Variants in RTCA observed in about 807,000 individuals in gnomAD.
The protein encoded by RTCA is RNA terminal phosphate cyclase domain 1.
Under a neutral mutation model 46.1 loss-of-function variants are expected in RTCA, and 37 were observed. That is an observed-to-expected ratio of 0.80 (90% confidence interval 0.62 to 1.06). RTCA has a LOEUF of 1.06. Ranked by LOEUF, RTCA falls within the 50% of genes least tolerant of loss-of-function variation. The pLI is 0.00. For synonymous variants in RTCA, 164 were observed against 158.3 expected (o/e 1.04, Z -0.27); for missense variants, 435 against 455.5 (o/e 0.95, Z 0.41).
chr1:100,270,315 C>G (rs1347808511), intron 3 of RTCA, among the ~76,000 whole-genome samples: 2 of 152,104 alleles, frequency 1.3e-5, no homozygotes, highest in African/African-American at 2.4e-5. Flanking sequence ...GATTCAGACC[C>G]AGGTTTGGTT....
chr1:100,286,454 C>CG (rs1667032863), intron 9 of RTCA, among the ~76,000 whole-genome samples: 1 of 45,360 alleles, frequency 2.2e-5, no homozygotes, highest in African/African-American at 8.0e-5. Context: ...GACTCCGTCT[C>CG]AAAAAAAAAA....
intron 2 of RTCA, chr1:100,266,962 G>T: frequency 2.9e-6 from 1 of 343,732 alleles, no homozygotes; most frequent in Non-Finnish European, 5.4e-6. Flanking sequence ...GGGCAGAAAT[G>T]CTTGTGACGC....
At position 100,273,916 on chromosome 1, in the gene RTCA, G is replaced by A. The variant is rs186549204; in HGVS notation, c.473+464G>A. 8.1e-3 allele frequency among the ~76,000 whole-genome samples: 1,233 copies of A among 152,296 alleles called. 17 individuals are homozygous for A. Among genetic ancestry groups the A allele is most frequent in the South Asian group, 0.033 (159 of 4,824 alleles). ...CCATATTTCTTGGTGTGGCATTTAA[G>A]TGCTTTGAAGTCTTGCCCTAACTTT... is the stretch of plus-strand genomic sequence containing the variant. On this transcript the variant is annotated intron_variant, in intron 5 of 10. Coordinates refer to ENST00000370128, the MANE Select transcript of RTCA (RefSeq NM_003729.4).
intron 8 of RTCA, among the ~76,000 whole-genome samples, chr1:100,280,890 T>C (rs1264187433): frequency 1.3e-5 from 2 of 152,184 alleles, no homozygotes; most frequent in Admixed American, 1.3e-4. Flanking sequence ...TAGTCCCAGC[T>C]ACTCTAAATG....
chr1:100,278,642 A>G (rs1353481608), intron 8 of RTCA, among the ~76,000 whole-genome samples: 1 of 152,178 alleles, frequency 6.6e-6, no homozygotes, highest in African/African-American at 2.4e-5. Context: ...TACCCTAGCT[A>G]TGCTGTTAAG....
At chr1:100,274,251 T>G (rs566107834) in intron 5 of RTCA, among the ~76,000 whole-genome samples, 3 of 152,330 alleles carry the variant, frequency 2.0e-5, no homozygotes, top group African/African-American at 4.8e-5. Context: ...GTGAGCTCTT[T>G]GAGGGGAGGA....
Position 100,291,481 on chromosome 1 carries a change from G to T in RTCA, c.1078G>T (p.Gly360Trp). The T allele has an allele frequency of 6.2e-7, 1 of 1,609,424 alleles. No individual in the cohort carries two copies. The highest frequency in any genetic ancestry group is 1.1e-5 in the South Asian group (1 of 90,470). The change falls in exon 11 of 11, where the codon GGG (glycine) becomes TGG (tryptophan). Residue 360 changes from glycine to tryptophan, a missense_variant. Transcript: ENST00000370128. ...TTATATTATTGAATGCCAAGGAATT[G>T]GGATGACAAATCCAAATCTATAGAG... ...DTYIIECQGIGMTNPNL is the reference protein window; with the variant it reads ...DTYIIECQGIWMTNPNL
At position 100,288,690 on chromosome 1, in the gene RTCA, C is replaced by T. The variant is rs145015751; in HGVS notation, c.999+1487C>T. The stretch of plus-strand genomic sequence containing the variant: ...ACAGGTGTAAGCCAGCATGCCCAGC[C>T]CTAGTCTTAAGCATTTTTTAAAGTG... On this transcript the variant is annotated intron_variant, in intron 10 of 10. Transcript: ENST00000370128. Among the ~76,000 whole-genome samples, 264 of 152,170 alleles carry T rather than the reference C, an allele frequency of 1.7e-3. 1 individual carries two copies. Among genetic ancestry groups the T allele is most frequent in the African/African-American group, 5.9e-3 (245 of 41,520 alleles).
rs1667385522 is a variant in RTCA, at chr1:100,292,138, T to G, written c.*634T>G. 6.6e-6 allele frequency: 1 copy of G among 152,334 alleles called. No individual in the cohort carries two copies. Among genetic ancestry groups the G allele is most frequent in the African/African-American group, 2.4e-5 (1 of 41,416 alleles). 9.4% of individuals were successfully genotyped at this position (152,334 alleles called of 1,614,324 possible). A position where few individuals can be genotyped will look rare whatever the true frequency, so the allele number is the denominator to read the frequency against. On this transcript the variant is annotated 3_prime_UTR_variant, in exon 11 of 11. Coordinates refer to ENST00000370128, the MANE Select transcript of RTCA (RefSeq NM_003729.4). ...TTTCACCATATTGGTCAGGCTGGTT[T>G]CGAACTCCTGACCTCGTGATCTGCC...
intron 3 of RTCA, 36 bp from the exon 4 acceptor site, chr1:100,270,521 G>C (rs759403417): frequency 6.2e-7 from 1 of 1,601,580 alleles, no homozygotes; most frequent in African/African-American, 1.3e-5. Flanking sequence ...ATGCAGAAAA[G>C]AAAATGAAAA....
At chr1:100,271,158 G>A (rs1174170548) in intron 4 of RTCA, among the ~76,000 whole-genome samples, 2 of 151,718 alleles carry the variant, frequency 1.3e-5, no homozygotes, top group East Asian at 3.9e-4. Context: ...AAACTCAAGT[G>A]TAGGGCCCGG....
At chr1:100,283,453 T>C (rs915116120) in intron 8 of RTCA, among the ~76,000 whole-genome samples, 3 of 152,172 alleles carry the variant, frequency 2.0e-5, no homozygotes, top group African/African-American at 4.8e-5. Flanking sequence ...TGAGCCACCA[T>C]GCCTGGCTCA....
intron 8 of RTCA, among the ~76,000 whole-genome samples, chr1:100,278,927 G>A (rs367678021): frequency 6.6e-6 from 1 of 152,162 alleles, no homozygotes; most frequent in Non-Finnish European, 1.5e-5. Flanking sequence ...TGGGAGTGGG[G>A]CCCAGGAATC....
chr1:100,289,317 TG>T (rs1667226082), intron 10 of RTCA, among the ~76,000 whole-genome samples: 2 of 151,624 alleles, frequency 1.3e-5, no homozygotes, highest in African/African-American at 2.4e-5. Context: ...TTTTTGTTTT[TG>T]TTTTTTGAGA....
At chr1:100,286,960 T>C in intron 9 of RTCA, 139 bp from the exon 10 acceptor site, 3 of 578,728 alleles carry the variant, frequency 5.2e-6, no homozygotes. Context: ...CTTCTGAGTA[T>C]GTCTGGAAAC....
chr1:100,276,785 G>A (rs1666413385), intron 7 of RTCA, among the ~76,000 whole-genome samples: 2 of 152,122 alleles, frequency 1.3e-5, no homozygotes, highest in Admixed American at 1.3e-4. Flanking sequence ...TACCATTTTT[G>A]GATATTTAAG....
Position 100,270,616 on chromosome 1 carries a change from C to T in RTCA, c.350C>T (p.Ser117Leu). ...MPCVLFAASPSELHLKGGTNA... is the reference protein window; with the variant it reads ...MPCVLFAASPLELHLKGGTNA... ...TGTGTTCTCTTTGCTGCTTCTCCATCAGAACTTCATTTGAAAGGTGGAACT... is the reference window on the plus strand; with the variant it reads ...TGTGTTCTCTTTGCTGCTTCTCCATTAGAACTTCATTTGAAAGGTGGAACT... The change falls in exon 4 of 11, where the codon TCA becomes TTA. Residue 117 changes from serine (S) to leucine (L), a missense_variant. Coordinates refer to ENST00000370128, the MANE Select transcript of RTCA (RefSeq NM_003729.4). The T allele has an allele frequency of 6.2e-7, 1 of 1,614,140 alleles. No individual in the cohort carries two copies. Among genetic ancestry groups the T allele is most frequent in the African/African-American group, 1.3e-5 (1 of 75,056 alleles).
chr1:100,289,932 A>G (rs1183147947), intron 10 of RTCA, among the ~76,000 whole-genome samples: 2 of 152,220 alleles, frequency 1.3e-5, no homozygotes, highest in Non-Finnish European at 2.9e-5. Flanking sequence ...GTTTATGTAT[A>G]GGCTAGAAAT....
chr1:100,267,405 T>A, intron 2 of RTCA: 1 of 1,257,768 alleles, frequency 8.0e-7, no homozygotes, highest in South Asian at 2.7e-5. Context: ...TCCAATTCAT[T>A]AGGCTGTAGG....
Sources: gnomAD v4.1 joint callset for allele counts (sites outside exome capture counted in the v4.1 genomes callset) on GRCh38, gnomAD v4.1.1 for gene constraint, MANE v1.5 for transcripts, NCBI Gene and HGNC (gene_info 2026-07-23, HGNC 2026-07-21) for gene names.